The following DDI2 variants were observed in gnomAD, a reference collection of about 807,000 sequenced individuals.
The protein encoded by DDI2 is protein DDI1 homolog 2.
In DDI2, 5 loss-of-function variants were observed where a neutral mutation model predicts 48.1. That is an observed-to-expected ratio of 0.10 (90% confidence interval 0.05 to 0.22). The LOEUF is 0.22. Among genes scored for constraint, DDI2 ranks in the 10% least tolerant of loss-of-function variants. DDI2 has a pLI of 1.00. For synonymous variants in DDI2, 205 were observed against 183.6 expected, an observed-to-expected ratio of 1.12 and a Z score of -0.94; for missense variants, 285 against 506.2, an observed-to-expected ratio of 0.56 and a Z score of 4.19.
At chr1:15,635,461 AGTGGCACGATCTC>A (rs1246457291) in intron 4 of DDI2, among the ~76,000 whole-genome samples, 2 of 152,178 alleles carry the variant, frequency 1.3e-5, no homozygotes, top group Non-Finnish European at 2.9e-5. Flanking sequence ...GCCTGAGTTC[AGTGGCACGATCTC>A]GGCTCATTGC....
Position 15,626,454 on chromosome 1 carries a change from C to G in DDI2, c.139-215C>G, listed in dbSNP as rs1639756365. On this transcript the variant is annotated intron_variant, in intron 1 of 9. Transcript: ENST00000480945. ...TCCCTGTTGTTTGAGGAACAGCAGT[C>G]ATAGTGAAAGGCGAAGTCAGGAGAG... Among the ~76,000 whole-genome samples the G allele has an allele frequency of 2.0e-5, 3 of 152,264 alleles. No homozygotes were observed. In the South Asian group the frequency reaches 6.2e-4, roughly 32 times the overall value.
chr1:15,659,411 G>T (rs1301004257), intron 9 of DDI2, among the ~76,000 whole-genome samples: 2 of 152,202 alleles, frequency 1.3e-5, no homozygotes, highest in Non-Finnish European at 2.9e-5. Flanking sequence ...TTACTCTCAA[G>T]TATGGTACCC....
In DDI2 at chr1:15,661,088, A is replaced by G. The variant is rs1223804091; in HGVS notation, c.*1298A>G. 2.5e-6 allele frequency: 4 copies of G among 1,613,954 alleles called. No individual in the cohort carries two copies. The highest frequency in any genetic ancestry group is 1.1e-5 in the South Asian group (1 of 91,066). ...TGGACCCAAAATGAGCATCTTACCC[A>G]GAATGAACAGTGTCCACAAGTCTCC... On this transcript the variant is annotated 3_prime_UTR_variant, in exon 10 of 10. Coordinates refer to ENST00000480945, the MANE Select transcript of DDI2 (RefSeq NM_032341.5).
intron 1 of DDI2, among the ~76,000 whole-genome samples, chr1:15,625,645 G>A (rs1254573796): frequency 6.6e-6 from 1 of 152,004 alleles, no homozygotes; most frequent in Non-Finnish European, 1.5e-5. Flanking sequence ...ACCCCACCAA[G>A]ATGGAATCTT....
intron 6 of DDI2, among the ~76,000 whole-genome samples, chr1:15,648,702 A>G (rs1640128414): frequency 6.6e-6 from 1 of 152,074 alleles, no homozygotes; most frequent in African/African-American, 2.4e-5. Flanking sequence ...ATGGGGAGAA[A>G]TGAATTAGAA....
intron 5 of DDI2, among the ~76,000 whole-genome samples, chr1:15,640,097 A>T (rs1273991702): frequency 6.6e-6 from 1 of 152,082 alleles, no homozygotes; most frequent in East Asian, 1.9e-4. Context: ...TATTCAGTTT[A>T]AAAAATATCT....
intron 8 of DDI2, among the ~76,000 whole-genome samples, chr1:15,652,342 G>T (rs1442330468): frequency 6.7e-6 from 1 of 150,258 alleles, no homozygotes; most frequent in Non-Finnish European, 1.5e-5. Flanking sequence ...ACAGGTGTGA[G>T]CTACCATATC....
In DDI2 at chr1:15,640,360, G is replaced by C. The variant is rs114639158; in HGVS notation, c.760+1926G>C. ...CCTGTTTTATCCATAAGAAAACTTA[G>C]ATATAGAGAGGTCACATTCTCTACT... is the stretch of plus-strand genomic sequence containing the variant. On this transcript the variant is annotated intron_variant, in intron 5 of 9. Transcript: ENST00000480945. Among the ~76,000 whole-genome samples the C allele has an allele frequency of 8.8e-3, 1,333 of 152,244 alleles. 18 individuals are homozygous for C. Among genetic ancestry groups the C allele is most frequent in the African/African-American group, 0.029 (1,221 of 41,524 alleles).
rs116620967 is a variant in DDI2 at position 15,643,831 on chromosome 1, C to A, written c.889+181C>A. On this transcript the variant is annotated intron_variant, in intron 6 of 9. Transcript: ENST00000480945. ...TCTAGAAGTTTTAAATCCTGTGTTC[C>A]GTCAAAGTTATGTGTTTCTGCTGGT... Among the ~76,000 whole-genome samples, 1,329 of 152,222 alleles carry A rather than the reference C, an allele frequency of 8.7e-3. 18 individuals carry two copies. Among genetic ancestry groups the A allele is most frequent in the African/African-American group, 0.029 (1,217 of 41,512 alleles).
At chr1:15,617,877 C>A in intron 1 of DDI2, 69 bp downstream of exon 1, 2 of 1,439,156 alleles carry the variant, frequency 1.4e-6, no homozygotes, top group East Asian at 2.7e-5. Context: ...TCACTCCCTC[C>A]CTTTGCTACT....
At chr1:15,643,797 A>G (rs1640045302) in intron 6 of DDI2, 147 bp downstream of exon 6, 2 of 1,210,856 alleles carry the variant, frequency 1.7e-6, no homozygotes, top group South Asian at 3.6e-5. Context: ...TGAGCTAGCA[A>G]GCCTAATTTC....
At chr1:15,628,409 C>G (rs1639791142) in intron 2 of DDI2, among the ~76,000 whole-genome samples, 1 of 152,106 alleles carries the variant, frequency 6.6e-6, no homozygotes, top group Admixed American at 6.6e-5. Context: ...ATCTGAGGTC[C>G]AAAAAGGCTT....
In DDI2 at chr1:15,661,595, A is replaced by G. The variant is rs371667673; in HGVS notation, c.*1805A>G. 2.5e-6 allele frequency: 4 copies of G among 1,614,002 alleles called. No individual in the cohort carries two copies. Among genetic ancestry groups the G allele is most frequent in the Non-Finnish European group, 3.4e-6 (4 of 1,180,038 alleles). ...CCACCATTGATTTTTCCTGCCACAG[A>G]TATTGACCGCATTCTCCGTGCTGGC... is the stretch of plus-strand genomic sequence containing the variant. On this transcript the variant is annotated 3_prime_UTR_variant, in exon 10 of 10. Transcript: ENST00000480945.
At chr1:15,652,446 CGGAGGGGG>C (rs773756139) in intron 8 of DDI2, among the ~76,000 whole-genome samples, 363 of 15,918 alleles carry the variant, frequency 0.023, 77 homozygotes, top group East Asian at 0.14. Flanking sequence ...TGGGAGGCTC[CGGAGGGGG>C]GGGGGGGGGG....
chr1:15,652,449 A>AG (rs1169848525), intron 8 of DDI2, among the ~76,000 whole-genome samples: 1 of 8,218 alleles, frequency 1.2e-4, no homozygotes, highest in East Asian at 3.5e-3. Flanking sequence ...GAGGCTCCGG[A>AG]GGGGGGGGGG....
chr1:15,635,349 A>G (rs1176062575), intron 4 of DDI2, among the ~76,000 whole-genome samples: 2 of 152,198 alleles, frequency 1.3e-5, no homozygotes, highest in Non-Finnish European at 2.9e-5. Flanking sequence ...AGTGTCCATA[A>G]GGCTCATGTT....
rs202037484 is a variant in DDI2, at chr1:15,661,378, C to G, written c.*1588C>G. On this transcript the variant is annotated 3_prime_UTR_variant, in exon 10 of 10. Coordinates refer to ENST00000480945, the MANE Select transcript of DDI2 (RefSeq NM_032341.5). ...ACTTTTAGCAGGTGAGGAGGATGCA[C>G]TCAATCAGACTTCTGAGCAAACTAA... The G allele has an allele frequency of 9.9e-6, 16 of 1,614,172 alleles. No homozygotes were observed. The highest frequency in any genetic ancestry group is 1.7e-5 in the Admixed American group (1 of 60,018).
chr1:15,635,228 T>C (rs1279093874), intron 4 of DDI2, among the ~76,000 whole-genome samples: 4 of 127,444 alleles, frequency 3.1e-5, no homozygotes, highest in African/African-American at 1.5e-4. Context: ...GACCCCCATC[T>C]TAGGAAAAAA....
At chr1:15,633,077 C>T (rs899838915) in intron 3 of DDI2, among the ~76,000 whole-genome samples, 19 of 151,824 alleles carry the variant, frequency 1.3e-4, no homozygotes, top group African/African-American at 4.6e-4. Context: ...TACAGGCATG[C>T]ACCACCACGC....
Sources: gnomAD v4.1 joint callset for allele counts (sites outside exome capture counted in the v4.1 genomes callset) on GRCh38, gnomAD v4.1.1 for gene constraint, MANE v1.5 for transcripts, NCBI Gene and HGNC (gene_info 2026-07-23, HGNC 2026-07-21) for gene names.